Variants in PTPN20 observed in about 807,000 individuals in gnomAD.
PTPN20 encodes the protein tyrosine-protein phosphatase non-receptor type 20.
PTPN20 carries 9 observed loss-of-function variants against 35.0 expected under a neutral mutation model. The observed-to-expected ratio is 0.26, with a 90% CI of 0.15 to 0.45. The LOEUF (loss-of-function observed/expected upper bound fraction) is 0.45. Ranked by LOEUF, PTPN20 falls within the 20% of genes least tolerant of loss-of-function variation. PTPN20 has a pLI of 1.00. For missense variants in PTPN20, 111 were observed against 312.5 expected (o/e 0.36, Z 4.86); for synonymous variants, 32 against 100.2 (o/e 0.32, Z 4.06).
chr10:46,983,682 G>C (rs2056221357), intron 7 of PTPN20, among the ~76,000 whole-genome samples: 1 of 127,658 alleles, frequency 7.8e-6, no homozygotes, highest in South Asian at 2.8e-4. Context: ...CCTATCACCA[G>C]ATGAAGGCTG....
At chr10:47,000,078 G>T in intron 10 of PTPN20, 104 bp downstream of exon 10, 1 of 1,498,642 alleles carries the variant, frequency 6.7e-7, no homozygotes, top group Admixed American at 1.7e-5. Context: ...TAATCTCATT[G>T]AATTCCTACT....
intron 1 of PTPN20, among the ~76,000 whole-genome samples, chr10:46,915,950 T>C (rs2032937922): frequency 4.0e-5 from 1 of 24,854 alleles, no homozygotes; most frequent in Non-Finnish European, 6.4e-5. Context: ...CTAATTCTAA[T>C]GTGCAGCTGA....
rs1408228347 is a variant in PTPN20 at position 46,923,084 on chromosome 10, A to G, written c.-123-9293A>G. ...GAAATGGGGTGAATGTATTTTGCAT[A>G]CAGTAAGGATATGACTTTTGGGGGA... On this transcript the variant is annotated intron_variant, in intron 1 of 10. Coordinates refer to ENST00000374339, the MANE Select transcript of PTPN20 (RefSeq NM_001042357.5). Among the ~76,000 whole-genome samples, 6 of 144,354 alleles carry G rather than the reference A, an allele frequency of 4.2e-5. 1 individual carries two copies. The South Asian group carries it at 8.6e-4, about 21-fold the overall frequency. 94.7% of individuals were successfully genotyped at this position (144,354 alleles called of 152,430 possible). A position where few individuals can be genotyped will look rare whatever the true frequency, so the allele number is the denominator to read the frequency against.
Position 46,932,062 on chromosome 10 carries a change from T to TTGTGTG in PTPN20, c.-123-289_-123-284dup, listed in dbSNP as rs71023200. 4.1e-3 allele frequency among the ~76,000 whole-genome samples: 542 copies of TTGTGTG among 133,570 alleles called. 3 individuals are homozygous for TTGTGTG. Among genetic ancestry groups the TTGTGTG allele is most frequent in the Middle Eastern group, 7.5e-3 (2 of 266 alleles). 87.6% of individuals were successfully genotyped at this position (133,570 alleles called of 152,430 possible). A position where few individuals can be genotyped will look rare whatever the true frequency, so the allele number is the denominator to read the frequency against. On this transcript the variant is annotated intron_variant, in intron 1 of 10. Transcript: ENST00000374339. ...TTCCATTGAGTGACATTGATTGAAT[T>TTGTGTG]TGTGTGTGTGTGTGTGTGTGTGTGT...
At chr10:46,939,770 T>C (rs1403756510) in intron 2 of PTPN20, among the ~76,000 whole-genome samples, 2 of 150,796 alleles carry the variant, frequency 1.3e-5, no homozygotes, top group Non-Finnish European at 3.0e-5. Context: ...AGTTTTGATA[T>C]GTTGTCCCTT....
intron 5 of PTPN20, chr10:46,947,923 CTT>C (rs1327072686): frequency 6.6e-6 from 3 of 452,026 alleles, no homozygotes. Context: ...TATTCACAAA[CTT>C]TGTGTAAACA....
chr10:46,936,890 A>G (rs1234357767), intron 2 of PTPN20, among the ~76,000 whole-genome samples: 15 of 146,000 alleles, frequency 1.0e-4, no homozygotes, highest in Admixed American at 9.7e-4. Flanking sequence ...CCTACAATAG[A>G]TTATTATTTT....
At chr10:46,999,590 A>C (rs1160682899) in intron 9 of PTPN20, among the ~76,000 whole-genome samples, 1 of 152,188 alleles carries the variant, frequency 6.6e-6, no homozygotes, top group Non-Finnish European at 1.5e-5. Context: ...GGCCAGAGAA[A>C]GTCTTCTGTG....
In PTPN20 at chr10:47,000,331, A is replaced by G; in HGVS notation, c.1198-345A>G. Among the ~76,000 whole-genome samples, 3 of 152,286 alleles carry G rather than the reference A, an allele frequency of 2.0e-5. No individual in the cohort carries two copies. In the East Asian group the frequency reaches 5.8e-4, roughly 29 times the overall value. On this transcript the variant is annotated intron_variant, in intron 10 of 10. Transcript: ENST00000374339. ...CAGTTTGAGATATTTACTTGCCACT[A>G]AACTGTCAAGGTTATCAGGACGTCA...
At chr10:46,988,370 C>T (rs2057204072) in intron 9 of PTPN20, among the ~76,000 whole-genome samples, 1 of 142,300 alleles carries the variant, frequency 7.0e-6, no homozygotes, top group Non-Finnish European at 1.5e-5. Context: ...AAACATTTGT[C>T]ATTTCTTTGT....
At chr10:46,939,895 C>G (rs1238267216) in intron 2 of PTPN20, among the ~76,000 whole-genome samples, 6 of 151,906 alleles carry the variant, frequency 3.9e-5, no homozygotes, top group Non-Finnish European at 8.8e-5. Flanking sequence ...TTTTCATTTC[C>G]ATAGTACTTG....
chr10:46,994,406 G>T (rs963966403), intron 9 of PTPN20, among the ~76,000 whole-genome samples: 2 of 134,126 alleles, frequency 1.5e-5, no homozygotes, highest in Non-Finnish European at 3.0e-5. Flanking sequence ...TCGGCTCACT[G>T]CAAGCTCCGC....
At chr10:47,000,584 G>A in intron 10 of PTPN20, 92 bp from the exon 11 acceptor site, 1 of 1,485,286 alleles carries the variant, frequency 6.7e-7, no homozygotes, top group Non-Finnish European at 9.3e-7. Flanking sequence ...GAACTTTCCA[G>A]TGTGGCTGAA....
intron 7 of PTPN20, among the ~76,000 whole-genome samples, chr10:46,982,699 C>G (rs2055792650): frequency 6.7e-6 from 1 of 150,190 alleles, no homozygotes; most frequent in Non-Finnish European, 1.5e-5. Flanking sequence ...TTAAAAAATG[C>G]TTTTTTTACT....
chr10:46,997,412 G>A (rs2059316880), intron 9 of PTPN20, among the ~76,000 whole-genome samples: 1 of 150,296 alleles, frequency 6.7e-6, no homozygotes, highest in Admixed American at 6.6e-5. Flanking sequence ...AGACAGTCAT[G>A]CCATGTGCAT....
intron 1 of PTPN20, 76 bp from the exon 2 acceptor site, chr10:46,932,301 T>A (rs2039937824): frequency 6.6e-7 from 1 of 1,503,954 alleles, no homozygotes. Flanking sequence ...TTTGAATTGA[T>A]GAGTAATAAT....
chr10:46,994,322 CTTTTTTTTTTTT>C (rs36049729), intron 9 of PTPN20, among the ~76,000 whole-genome samples: 2 of 66,320 alleles, frequency 3.0e-5, no homozygotes, highest in Non-Finnish European at 5.3e-5. Context: ...CTCTGATGCT[CTTTTTTTTTTTT>C]TTTTTTTTTT....
chr10:46,936,443 A>G (rs1468531505), intron 2 of PTPN20, among the ~76,000 whole-genome samples: 2 of 152,062 alleles, frequency 1.3e-5, no homozygotes, highest in Admixed American at 1.3e-4. Context: ...CTAGAAATCA[A>G]TGAGTAATTT....
intron 5 of PTPN20, among the ~76,000 whole-genome samples, chr10:46,949,475 T>G (rs2046025838): frequency 6.6e-6 from 1 of 152,168 alleles, no homozygotes; most frequent in Non-Finnish European, 1.5e-5. Flanking sequence ...TAGGAGAGTC[T>G]GTCTTTCCTT....
Sources: gnomAD v4.1 joint callset for allele counts (sites outside exome capture counted in the v4.1 genomes callset) on GRCh38, gnomAD v4.1.1 for gene constraint, MANE v1.5 for transcripts, NCBI Gene and HGNC (gene_info 2026-07-23, HGNC 2026-07-21) for gene names.